The following NTM variants were observed in gnomAD, a reference collection of about 807,000 sequenced individuals.
The protein encoded by NTM is IgLON family member 2.
A neutral mutation model predicts 42.1 loss-of-function variants in NTM; 13 were observed. The observed-to-expected ratio is 0.31, with a 90% confidence interval of 0.20 to 0.49. The LOEUF (loss-of-function observed/expected upper bound fraction) is 0.49, where lower values mean the gene tolerates loss of function less well. Ranked by LOEUF, NTM falls within the 20% of genes least tolerant of loss-of-function variation. The pLI, the probability that NTM is intolerant of heterozygous loss-of-function variation, is 0.99. For synonymous variants in NTM, 187 were observed against 179.2 expected, an observed-to-expected ratio of 1.04 and a Z score of -0.35; for missense variants, 373 against 452.8, an observed-to-expected ratio of 0.82 and a Z score of 1.60.
intron 2 of NTM, among the ~76,000 whole-genome samples, chr11:132,051,576 C>T (rs1396875890): frequency 6.6e-6 from 1 of 152,120 alleles, no homozygotes; most frequent in Non-Finnish European, 1.5e-5. Flanking sequence ...GTCTCCAGTC[C>T]CCCAGGCTCC....
intron 4 of NTM, among the ~76,000 whole-genome samples, chr11:132,225,382 A>G (rs1186418874): frequency 1.3e-5 from 2 of 152,046 alleles, no homozygotes; most frequent in African/African-American, 2.4e-5. Context: ...TAGTGCTGCA[A>G]GAAAGCCAGC....
At chr11:132,202,831 T>G (rs1339608227) in intron 3 of NTM, among the ~76,000 whole-genome samples, 1 of 152,158 alleles carries the variant, frequency 6.6e-6, no homozygotes, top group Non-Finnish European at 1.5e-5. Flanking sequence ...AAGCACTGGT[T>G]TATGACTAAT....
chr11:131,609,640 G>C (rs1016340417), intron 1 of NTM, among the ~76,000 whole-genome samples: 2 of 152,134 alleles, frequency 1.3e-5, no homozygotes, highest in African/African-American at 4.8e-5. Context: ...TTTATCTCTG[G>C]TGCTTTTTGT....
intron 2 of NTM, among the ~76,000 whole-genome samples, chr11:132,078,838 T>C (rs1417035107): frequency 6.6e-6 from 1 of 152,242 alleles, no homozygotes; most frequent in Non-Finnish European, 1.5e-5. Flanking sequence ...GCCTTTGTTA[T>C]AAGCCTTTTC....
At chr11:132,267,853 A>C (rs201772506) in intron 4 of NTM, among the ~76,000 whole-genome samples, 3 of 148,822 alleles carry the variant, frequency 2.0e-5, no homozygotes, top group Non-Finnish European at 4.5e-5. Flanking sequence ...AAAAAAAAAA[A>C]ACAAAAAAAA....
At chr11:131,733,590 C>T (rs1413094711) in intron 1 of NTM, among the ~76,000 whole-genome samples, 3 of 151,626 alleles carry the variant, frequency 2.0e-5, no homozygotes, top group East Asian at 2.0e-4. Flanking sequence ...TGCAGTGGTG[C>T]GATCTCAGCT....
intron 1 of NTM, among the ~76,000 whole-genome samples, chr11:131,533,458 A>C (rs980446536): frequency 6.6e-5 from 10 of 152,174 alleles, no homozygotes; most frequent in African/African-American, 2.4e-4. Context: ...CATCACTGAA[A>C]TGGGGGGCCT....
intron 4 of NTM, among the ~76,000 whole-genome samples, chr11:132,213,935 C>T (rs1486118549): frequency 7.3e-5 from 5 of 68,340 alleles, no homozygotes; most frequent in Non-Finnish European, 1.1e-4. Flanking sequence ...GGGGTTTCAC[C>T]GTTTTAGCTG....
chr11:131,409,434 G>A (rs1003730257), intron 1 of NTM, among the ~76,000 whole-genome samples: 11 of 152,178 alleles, frequency 7.2e-5, no homozygotes, highest in Non-Finnish European at 1.2e-4. Context: ...GGAGTCCCAC[G>A]GTAGTTAACT....
intron 1 of NTM, among the ~76,000 whole-genome samples, chr11:131,411,763 G>T (rs1946457508): frequency 6.6e-6 from 1 of 152,152 alleles, no homozygotes; most frequent in Non-Finnish European, 1.5e-5. Flanking sequence ...TGCCAGATTT[G>T]CAGAGCACAA....
chr11:131,692,370 G>A (rs1314907722), intron 1 of NTM, among the ~76,000 whole-genome samples: 1 of 151,808 alleles, frequency 6.6e-6, no homozygotes, highest in Non-Finnish European at 1.5e-5. Context: ...GCACATCTCT[G>A]AGTGATGCTG....
At chr11:131,616,776 GGGGTGTGTGTGT>G (rs1160054239) in intron 1 of NTM, among the ~76,000 whole-genome samples, 12 of 143,174 alleles carry the variant, frequency 8.4e-5, no homozygotes, top group Admixed American at 1.4e-4. Context: ...CTGTCTTGAG[GGGGTGTGTGTGT>G]GTGTGTGTGT....
At chr11:131,488,146 C>T (rs759604984) in intron 1 of NTM, among the ~76,000 whole-genome samples, 1 of 152,158 alleles carries the variant, frequency 6.6e-6, no homozygotes, top group Non-Finnish European at 1.5e-5. Context: ...GGGGCTTTTC[C>T]CATTATGTAT....
At position 131,820,211 on chromosome 11, in the gene NTM, C is replaced by T. The variant is rs116532888; in HGVS notation, c.83-91353C>T. Among the ~76,000 whole-genome samples the T allele has an allele frequency of 9.4e-3, 1,425 of 152,246 alleles. 18 individuals are homozygous for T. The highest frequency in any genetic ancestry group is 0.033 in the African/African-American group (1,356 of 41,532). Reference sequence around the variant, plus strand: ...CCTCCTCTCCTGCAGCCACTGGATCCCCACTCTCCATCTTCCCTGTCTGTC... The same window carrying T: ...CCTCCTCTCCTGCAGCCACTGGATCTCCACTCTCCATCTTCCCTGTCTGTC... On this transcript the variant is annotated intron_variant, in intron 1 of 8. Transcript: ENST00000683400.
intron 2 of NTM, among the ~76,000 whole-genome samples, chr11:132,089,208 A>T (rs574450617): frequency 6.6e-6 from 1 of 152,330 alleles, no homozygotes; most frequent in African/African-American, 2.4e-5. Flanking sequence ...AGAAACTGTT[A>T]CCATGAGCCT....
intron 1 of NTM, among the ~76,000 whole-genome samples, chr11:131,548,965 T>C (rs1592015529): frequency 6.6e-6 from 1 of 152,200 alleles, no homozygotes; most frequent in Non-Finnish European, 1.5e-5. Flanking sequence ...GGAGGCAGAA[T>C]TCACAGCTTA....
At chr11:131,456,287 A>G (rs10791146) in intron 1 of NTM, among the ~76,000 whole-genome samples, 103,070 of 152,090 alleles carry the variant, frequency 0.68, 35,538 homozygotes, top group East Asian at 0.83. Flanking sequence ...AGTTCCAGAA[A>G]CCAGGCTAGC....
intron 1 of NTM, among the ~76,000 whole-genome samples, chr11:131,811,256 T>C (rs1251177582): frequency 6.6e-6 from 1 of 152,180 alleles, no homozygotes; most frequent in African/African-American, 2.4e-5. Context: ...GAATTCTAAG[T>C]CCTCATCCTT....
At chr11:132,162,304 G>A (rs1566341338) in intron 3 of NTM, among the ~76,000 whole-genome samples, 1 of 151,636 alleles carries the variant, frequency 6.6e-6, no homozygotes, top group Non-Finnish European at 1.5e-5. Flanking sequence ...TGTGTGAAGA[G>A]CGTGTATGTG....
Sources: allele counts gnomAD v4.1 joint callset (sites outside exome capture counted in the v4.1 genomes callset), GRCh38; gene constraint gnomAD v4.1.1; transcripts MANE v1.5; gene names NCBI Gene and HGNC (gene_info 2026-07-23, HGNC 2026-07-21).